NEBL: variants seen among roughly 807,000 people sequenced by gnomAD.
NEBL encodes the protein nebulette.
NEBL carries 122 observed loss-of-function variants against 140.2 expected under a neutral mutation model. That is an observed-to-expected ratio of 0.87 (90% confidence interval 0.75 to 1.01). The LOEUF (loss-of-function observed/expected upper bound fraction) is 1.01. Ranked by LOEUF, NEBL falls within the 50% of genes least tolerant of loss-of-function variation. The probability of loss-of-function intolerance (pLI) is 0.00; values close to 1 mark genes in which losing one functional copy is unlikely to be tolerated. For missense variants in NEBL, 1,365 were observed against 1,231.3 expected (o/e 1.11, Z -1.62); for synonymous variants, 436 against 398.9 (o/e 1.09, Z -1.11).
At chr10:20,862,089 G>C (rs1218211460) in intron 7 of NEBL, among the ~76,000 whole-genome samples, 1 of 152,090 alleles carries the variant, frequency 6.6e-6, no homozygotes, top group Non-Finnish European at 1.5e-5. Flanking sequence ...TCATTATATG[G>C]GTACTTGAAG....
intron 1 of NEBL, among the ~76,000 whole-genome samples, chr10:21,286,107 C>T (rs568730710): frequency 2.0e-5 from 3 of 152,260 alleles, no homozygotes; most frequent in Admixed American, 2.0e-4. Context: ...TCTTTCTCAG[C>T]CTATCTGTGA....
At chr10:20,801,090 T>C (rs1230314565) in intron 26 of NEBL, among the ~76,000 whole-genome samples, 1 of 152,240 alleles carries the variant, frequency 6.6e-6, no homozygotes, top group Non-Finnish European at 1.5e-5. Context: ...TGCTGAACTA[T>C]ACCAAGTTGC....
chr10:20,902,475 T>A lies in NEBL; in HGVS notation c.357+59197A>T, dbSNP rs116433893. 8.5e-3 allele frequency among the ~76,000 whole-genome samples: 1,296 copies of A among 152,080 alleles called. 19 individuals carry two copies. Among genetic ancestry groups the A allele is most frequent in the African/African-American group, 0.03 (1,233 of 41,470 alleles). ...CCCTTTTCACAGATGTAGATCCCAC[T>A]CACAAATGAGAGCTACATAGTTAGA... is the stretch of plus-strand genomic sequence containing the variant. On this transcript the variant is annotated intron_variant, in intron 4 of 6. Coordinates refer to the NEBL transcript ENST00000417816.
intron 2 of NEBL, among the ~76,000 whole-genome samples, chr10:21,123,592 C>T (rs1564519172): frequency 6.6e-6 from 1 of 152,026 alleles, no homozygotes; most frequent in Non-Finnish European, 1.5e-5. Flanking sequence ...ATGCCTGGAA[C>T]TCTTCTTCTC....
At chr10:21,033,239 T>G (rs1431699685) in intron 2 of NEBL, among the ~76,000 whole-genome samples, 1 of 152,062 alleles carries the variant, frequency 6.6e-6, no homozygotes, top group African/African-American at 2.4e-5. Flanking sequence ...ATGAGTATAC[T>G]CTGAAAAATA....
intron 11 of NEBL, among the ~76,000 whole-genome samples, chr10:20,845,869 T>G (rs1222262354): frequency 6.6e-6 from 1 of 152,210 alleles, no homozygotes; most frequent in Non-Finnish European, 1.5e-5. Context: ...GCCTGAGGGT[T>G]AGGGAGGGGG....
At chr10:21,150,770 A>G (rs1219067028) in intron 2 of NEBL, among the ~76,000 whole-genome samples, 2 of 152,190 alleles carry the variant, frequency 1.3e-5, no homozygotes, top group Admixed American at 6.5e-5. Context: ...TATGGCATTT[A>G]TTATGAGCTC....
At chr10:21,149,026 A>C (rs1840029991) in intron 2 of NEBL, among the ~76,000 whole-genome samples, 1 of 152,158 alleles carries the variant, frequency 6.6e-6, no homozygotes, top group Admixed American at 6.5e-5. Context: ...CCCAAGAAGA[A>C]CCTGAAAGGA....
chr10:20,933,118 C>T (rs1267337311), intron 4 of NEBL, among the ~76,000 whole-genome samples: 1 of 152,046 alleles, frequency 6.6e-6, no homozygotes, highest in Non-Finnish European at 1.5e-5. Context: ...GATGTGTTTG[C>T]CATTCTGTGG....
chr10:20,941,792 T>C (rs1047839592), intron 4 of NEBL, among the ~76,000 whole-genome samples: 3 of 152,028 alleles, frequency 2.0e-5, no homozygotes, highest in East Asian at 1.9e-4. Context: ...TATACACCAA[T>C]AACAGACAAA....
At chr10:20,796,101 T>C (rs1836490181) in intron 26 of NEBL, among the ~76,000 whole-genome samples, 1 of 152,118 alleles carries the variant, frequency 6.6e-6, no homozygotes, top group Non-Finnish European at 1.5e-5. Context: ...CGGTGGCTCA[T>C]GCCTCCAATC....
chr10:21,179,021 A>C (rs1035639256), upstream of NEBL, among the ~76,000 whole-genome samples: 4 of 152,216 alleles, frequency 2.6e-5, no homozygotes, highest in East Asian at 7.7e-4. Context: ...GATGTGATTA[A>C]GTTAAGAATG....
intron 3 of NEBL, among the ~76,000 whole-genome samples, chr10:21,013,742 G>T (rs773503694): frequency 2.6e-5 from 4 of 152,164 alleles, no homozygotes; most frequent in Non-Finnish European, 5.9e-5. Flanking sequence ...GCTAGGCGTA[G>T]TGGTGCGCAC....
At chr10:21,069,735 G>A (rs1372350406) in intron 2 of NEBL, among the ~76,000 whole-genome samples, 1 of 152,130 alleles carries the variant, frequency 6.6e-6, no homozygotes, top group East Asian at 1.9e-4. Flanking sequence ...CATTGCTAAG[G>A]ATCACTGTTT....
chr10:21,226,841 C>T (rs529625384), intron 3 of NEBL, among the ~76,000 whole-genome samples: 1 of 152,278 alleles, frequency 6.6e-6, no homozygotes, highest in East Asian at 1.9e-4. Context: ...GGTACTGTTT[C>T]TCTCACCTGA....
At chr10:20,890,072 C>A in intron 2 of NEBL, 123 bp from the exon 3 acceptor site, 1 of 659,008 alleles carries the variant, frequency 1.5e-6, no homozygotes, top group Non-Finnish European at 2.6e-6. Context: ...GTGAAAGGGA[C>A]CTCAAAACAA....
intron 1 of NEBL, among the ~76,000 whole-genome samples, chr10:21,283,920 G>A (rs1014867339): frequency 2.0e-5 from 3 of 151,608 alleles, no homozygotes; most frequent in East Asian, 1.9e-4. Context: ...TTGGCCAGTC[G>A]GGCATGGTGG....
chr10:21,188,804 G>A (rs1190927945), intron 3 of NEBL, among the ~76,000 whole-genome samples: 2 of 151,756 alleles, frequency 1.3e-5, no homozygotes, highest in African/African-American at 2.4e-5. Flanking sequence ...CGGCCAGGCT[G>A]GTCTCGAACT....
rs548050455 is a variant in NEBL at position 20,859,858 on chromosome 10, T to G, written c.685-32A>C. On this transcript the variant is annotated intron_variant, in intron 7 of 27. Transcript: ENST00000377122. ...TAAAAGAGAAATAGTACATGTAACT[T>G]TACATTTAAAAGTAACACATATGAT... is the stretch of plus-strand genomic sequence containing the variant. 3 of 1,053,128 alleles carry G rather than the reference T, an allele frequency of 2.8e-6. No homozygotes were observed. The South Asian group carries it at 4.2e-5, about 15-fold the overall frequency. 65.2% of individuals were successfully genotyped at this position (1,053,128 alleles called of 1,614,324 possible). A position where few individuals can be genotyped will look rare whatever the true frequency, so the allele number is the denominator to read the frequency against.
Sources: gnomAD v4.1 joint callset for allele counts (sites outside exome capture counted in the v4.1 genomes callset) on GRCh38, gnomAD v4.1.1 for gene constraint, MANE v1.5 for transcripts, NCBI Gene and HGNC (gene_info 2026-07-23, HGNC 2026-07-21) for gene names.